The following CNBD2 variants were observed in gnomAD, a reference collection of about 807,000 sequenced individuals.
The protein encoded by CNBD2 is cyclic nucleotide binding domain containing 2.
In CNBD2, 64 loss-of-function variants were observed where a neutral mutation model predicts 63.7. The observed-to-expected ratio is 1.00, with a 90% CI of 0.82 to 1.24. The LOEUF (loss-of-function observed/expected upper bound fraction) is 1.24. CNBD2 is among the 50% of genes most tolerant of loss of function. The probability of loss-of-function intolerance (pLI) is 0.00; values close to 1 mark genes in which losing one functional copy is unlikely to be tolerated. For missense variants in CNBD2, 691 were observed against 713.5 expected, an observed-to-expected ratio of 0.97 and a Z score of 0.36; for synonymous variants, 229 against 255.4, an observed-to-expected ratio of 0.90 and a Z score of 0.99.
intron 9 of CNBD2, among the ~76,000 whole-genome samples, chr20:36,009,344 G>A (rs1048462564): frequency 4.6e-5 from 7 of 151,916 alleles, no homozygotes; most frequent in Non-Finnish European, 1.0e-4. Flanking sequence ...TGGGACTACA[G>A]GCACCTGCCA....
intron 7 of CNBD2, among the ~76,000 whole-genome samples, chr20:35,992,399 T>C: frequency 6.6e-6 from 1 of 152,192 alleles, no homozygotes; most frequent in South Asian, 2.1e-4. Flanking sequence ...TTCTCAAACT[T>C]TGGTAAGCAT....
At chr20:35,961,300 C>G (rs1422883327) in intron 2 of CNBD2, among the ~76,000 whole-genome samples, 1 of 152,208 alleles carries the variant, frequency 6.6e-6, no homozygotes. Context: ...CTTCTGTTCT[C>G]AGCAAGGCTA....
At chr20:35,959,547 C>T (rs1459972687), downstream of CNBD2, 1 of 152,152 alleles carries the variant, frequency 6.6e-6, no homozygotes, top group African/African-American at 2.4e-5. Flanking sequence ...CATCAGATCT[C>T]GTGAGACTTA....
Position 36,023,791 on chromosome 20 carries a change from G to A in CNBD2, c.1439+20G>A, listed in dbSNP as rs201691228. ...CCCCAGGTCAGTACTGGAAATGTGC[G>A]TAAGTCCCATCAGGTGAAATGAACA... On this transcript the variant is annotated intron_variant, in intron 11 of 11. Coordinates refer to ENST00000373973, the MANE Select transcript of CNBD2 (RefSeq NM_001365709.1). 709 of 1,565,768 alleles carry A rather than the reference G, an allele frequency of 4.5e-4. 2 individuals are homozygous for A. Among genetic ancestry groups the A allele is most frequent in the Non-Finnish European group, 5.8e-4 (672 of 1,156,722 alleles).
At chr20:36,006,329 G>T (rs565914137) in intron 8 of CNBD2, among the ~76,000 whole-genome samples, 21 of 152,052 alleles carry the variant, frequency 1.4e-4, no homozygotes, top group Admixed American at 1.3e-4. Context: ...CACCCGGCTG[G>T]AGATCTCTTT....
chr20:36,014,197 G>GAAAAAAAAAAAAA (rs1555814330), intron 10 of CNBD2, among the ~76,000 whole-genome samples: 3 of 129,130 alleles, frequency 2.3e-5, no homozygotes, highest in African/African-American at 9.7e-5. Context: ...AAAAAAAAAG[G>GAAAAAAAAAAAAA]AAATATGTAT....
At chr20:35,954,559 C>T, upstream of CNBD2, 2 of 1,485,212 alleles carry the variant, frequency 1.3e-6, no homozygotes, top group Non-Finnish European at 9.0e-7. Flanking sequence ...GAAGCGGCGC[C>T]CTCTAGCGTT....
upstream of CNBD2, chr20:35,954,414 G>C (rs2056224329): frequency 3.2e-6 from 5 of 1,553,380 alleles, no homozygotes; most frequent in East Asian, 2.4e-5. Context: ...GAGGGAGTCG[G>C]ACTCGGGACC....
At chr20:36,000,383 A>G (rs2056879551) in intron 8 of CNBD2, among the ~76,000 whole-genome samples, 1 of 151,800 alleles carries the variant, frequency 6.6e-6, no homozygotes, top group African/African-American at 2.4e-5. Context: ...TTATTTATTT[A>G]TTTATATTTT....
rs548471207 is a variant in CNBD2, at chr20:35,976,015, C to G, written c.243+13C>G. 38 of 1,600,814 alleles carry G rather than the reference C, an allele frequency of 2.4e-5. No homozygotes were observed. Among genetic ancestry groups the G allele is most frequent in the South Asian group, 1.1e-4 (10 of 90,342 alleles). On this transcript the variant is annotated intron_variant, in intron 3 of 11. Transcript: ENST00000373973. Reference sequence around the variant, plus strand: ...CATTGCAGAGGAGGTATGCATAGCTCGAAACTTGCTGTGGGGGAATTTTCT... The same window carrying G: ...CATTGCAGAGGAGGTATGCATAGCTGGAAACTTGCTGTGGGGGAATTTTCT...
At chr20:36,020,457 T>C (rs1305564427) in intron 10 of CNBD2, among the ~76,000 whole-genome samples, 2 of 152,172 alleles carry the variant, frequency 1.3e-5, no homozygotes, top group Non-Finnish European at 2.9e-5. Context: ...CTCACTGGAT[T>C]GTGGTGAGGG....
At chr20:36,025,909 A>G (rs981932215) in intron 11 of CNBD2, among the ~76,000 whole-genome samples, 2 of 152,196 alleles carry the variant, frequency 1.3e-5, no homozygotes, top group African/African-American at 4.8e-5. Context: ...TATATTATAA[A>G]CATATAAAAA....
chr20:35,983,904 C>A, intron 4 of CNBD2, 78 bp from the exon 5 acceptor site: 1 of 1,550,258 alleles, frequency 6.5e-7, no homozygotes, highest in Non-Finnish European at 8.9e-7. Context: ...GCAAAGAGCA[C>A]AACCAGTCCA....
intron 3 of CNBD2, among the ~76,000 whole-genome samples, chr20:35,977,650 T>A (rs2056539513): frequency 6.6e-6 from 1 of 152,178 alleles, no homozygotes; most frequent in South Asian, 2.1e-4. Context: ...TGCACTGCAG[T>A]CTGGGTGACA....
At chr20:36,009,111 C>T (rs2057022871) in intron 9 of CNBD2, among the ~76,000 whole-genome samples, 2 of 152,092 alleles carry the variant, frequency 1.3e-5, no homozygotes, top group Admixed American at 6.5e-5. Flanking sequence ...ACAGGAGGGT[C>T]GCTTGAGCCT....
intron 3 of CNBD2, among the ~76,000 whole-genome samples, chr20:35,978,345 T>A (rs982516959): frequency 2.3e-5 from 3 of 130,844 alleles, no homozygotes; most frequent in Non-Finnish European, 4.8e-5. Flanking sequence ...GCCTGGCTAA[T>A]TTTTTTTTTT....
rs558042864 is a variant in CNBD2, at chr20:36,018,990, T to C, written c.1270-4612T>C. ...GATATTCCTTGAGCACCTACCATGC[T>C]CCAAGCATGGAACAAAGTGCCATTG... On this transcript the variant is annotated intron_variant, in intron 10 of 11. Transcript: ENST00000373973. 1.2e-4 allele frequency among the ~76,000 whole-genome samples: 19 copies of C among 152,278 alleles called. No homozygotes were observed. The South Asian group carries it at 3.7e-3, about 30-fold the overall frequency.
At chr20:36,009,551 G>T (rs1358716371) in intron 9 of CNBD2, among the ~76,000 whole-genome samples, 2 of 152,046 alleles carry the variant, frequency 1.3e-5, no homozygotes, top group Non-Finnish European at 2.9e-5. Flanking sequence ...AAGGAAACAG[G>T]CTGGGCATGG....
chr20:36,002,970 A>AT (rs963073870), intron 8 of CNBD2, among the ~76,000 whole-genome samples: 66 of 149,926 alleles, frequency 4.4e-4, no homozygotes, highest in African/African-American at 1.5e-3. Context: ...TGTTCTGTTC[A>AT]TTTTTTTTAT....
Sources: allele counts gnomAD v4.1 joint callset (sites outside exome capture counted in the v4.1 genomes callset), GRCh38; gene constraint gnomAD v4.1.1; transcripts MANE v1.5; gene names NCBI Gene and HGNC (gene_info 2026-07-23, HGNC 2026-07-21).